The following PRSS2 variants were observed in gnomAD, a reference collection of about 807,000 sequenced individuals.
PRSS2 encodes serine protease 2.
PRSS2 carries 19 observed loss-of-function variants against 19.2 expected under a neutral mutation model. That is an observed-to-expected ratio of 0.99 (90% confidence interval 0.69 to 1.45). The LOEUF (loss-of-function observed/expected upper bound fraction) is 1.45, where lower values mean the gene tolerates loss of function less well. Among genes scored for constraint, PRSS2 ranks in the 40% most tolerant of loss-of-function variants. The probability of loss-of-function intolerance (pLI) is 0.00; values close to 1 mark genes in which losing one functional copy is unlikely to be tolerated. For synonymous variants in PRSS2, 107 were observed against 117.5 expected, an observed-to-expected ratio of 0.91 and a Z score of 0.58; for missense variants, 288 against 294.4, an observed-to-expected ratio of 0.98 and a Z score of 0.16.
At chr7:142,773,214 G>T in intron 2 of PRSS2, 52 bp from the exon 3 acceptor site, 2 of 1,614,112 alleles carry the variant, frequency 1.2e-6, no homozygotes, top group Non-Finnish European at 1.7e-6. Flanking sequence ...AAGGTGGGAG[G>T]GGTGCCCTGG....
At position 142,774,047 on chromosome 7, in the gene PRSS2, T is replaced by G; in HGVS notation, c.583T>G (p.Ser195Ala). 6.3e-7 allele frequency: 1 copy of G among 1,594,566 alleles called. No homozygotes were observed. Among genetic ancestry groups the G allele is most frequent in the Non-Finnish European group, 8.6e-7 (1 of 1,162,328 alleles). ...CVGFLEGGKD[S>A]CQGDSGGPVV... is the part of the protein sequence containing the mutation. ...GGGCTTCCTCGAGGGAGGCAAGGAT[T>G]CCTGCCAGGTGATTTGACCCCTTCC... Residue 195 changes from serine to alanine, a missense_variant, in exon 4 of 5, where the codon TCC becomes GCC. Ser to Ala is a moderately conservative substitution (Grantham distance 99). Transcript: ENST00000539842.
In PRSS2 at chr7:142,771,034, G is replaced by GC. The variant is rs1212509991; in HGVS notation, c.40+15dup. 2.7e-5 allele frequency: 15 copies of GC among 550,504 alleles called. No individual in the cohort carries two copies. The African/African-American group carries it at 3.4e-4, about 12-fold the overall frequency. The allele number at this position is 550,504 out of a possible 1,614,324, so 34.1% of individuals were successfully genotyped here. On this transcript the variant is annotated intron_variant, in intron 1 of 4. Transcript: ENST00000539842. ...TGTTGCAGCTGCTGGTGAGTTTCAC[G>GC]CCCTGCCTCAGGCCTCAACCAACCC...
At chr7:142,773,159 T>G in intron 2 of PRSS2, 107 bp from the exon 3 acceptor site, 1 of 1,602,036 alleles carries the variant, frequency 6.2e-7, no homozygotes, top group Non-Finnish European at 8.5e-7. Flanking sequence ...CCCCACCCCA[T>G]GCCTCCAGAG....
At position 142,773,381 on chromosome 7, in the gene PRSS2, A is replaced by C; in HGVS notation, c.316A>C (p.Asn106His). The C allele has an allele frequency of 1.2e-6, 2 of 1,613,090 alleles. No homozygotes were observed. The highest frequency in any genetic ancestry group is 1.1e-5 in the South Asian group (1 of 91,034). ...HPKYNSRTLD[N>H]DILLIKLSSP... ...CAAATACAACAGCCGGACTCTGGAC[A>C]ATGACATCCTGCTGATCAAGCTCTC... The change falls in exon 3 of 5, where the codon AAT (asparagine) becomes CAT (histidine). Residue 106 changes from asparagine (N) to histidine (H), a missense_variant. Transcript: ENST00000539842.
Position 142,773,954 on chromosome 7 carries a change from C to T in PRSS2, c.490C>T (p.Pro164Ser). Residue 164 changes from proline to serine, a missense_variant, in exon 4 of 5, where the codon CCT becomes TCT. Physicochemically the swap from Pro to Ser is moderately conservative, Grantham distance 74. Coordinates refer to ENST00000539842, the MANE Select transcript of PRSS2 (RefSeq NM_002770.4). ...AGACGAGCTGCAGTGCCTGGATGCT[C>T]CTGTGCTGAGCCAGGCTGAGTGTGA... ...YPDELQCLDA[P>S]VLSQAECEAS... 2 of 1,613,342 alleles carry T rather than the reference C, an allele frequency of 1.2e-6. No homozygotes were observed. The highest frequency in any genetic ancestry group is 1.7e-6 in the Non-Finnish European group (2 of 1,179,250).
chr7:142,771,038 T>C lies in PRSS2; in HGVS notation c.40+16T>C. On this transcript the variant is annotated intron_variant, in intron 1 of 4. Transcript: ENST00000539842. ...GCAGCTGCTGGTGAGTTTCACGCCC[T>C]GCCTCAGGCCTCAACCAACCCTTCC... The C allele has an allele frequency of 1.8e-6, 1 of 540,908 alleles. No individual in the cohort carries two copies. The highest frequency in any genetic ancestry group is 3.3e-6 in the Non-Finnish European group (1 of 299,386). The allele number at this position is 540,908 out of a possible 1,614,324, so 33.5% of individuals were successfully genotyped here.
rs773575609 is a variant in PRSS2 at position 142,774,469 on chromosome 7, T to C, written c.705T>C (p.Tyr235=). 476 of 1,610,512 alleles carry C rather than the reference T, an allele frequency of 3.0e-4. No individual in the cohort carries two copies. Among genetic ancestry groups the C allele is most frequent in the Middle Eastern group, 2.0e-3 (12 of 6,052 alleles). The change falls in exon 5 of 5, where the codon TAT becomes TAC. Residue 235 remains tyrosine (Y), a synonymous_variant. Coordinates refer to ENST00000539842, the MANE Select transcript of PRSS2 (RefSeq NM_002770.4). The part of the protein sequence containing the change: ...RPGVYTKVYN[Y]VDWIKDTIAA... Reference sequence around the variant, plus strand: ...GAGTCTACACCAAGGTCTACAACTATGTGGACTGGATTAAGGACACCATAG... The same window carrying C: ...GAGTCTACACCAAGGTCTACAACTACGTGGACTGGATTAAGGACACCATAG...
In PRSS2 at chr7:142,773,983, C is replaced by T; in HGVS notation, c.519C>T (p.Ala173=). The change falls in exon 4 of 5, where the codon GCC becomes GCT. Residue 173 remains alanine, a synonymous_variant. Coordinates refer to ENST00000539842, the MANE Select transcript of PRSS2 (RefSeq NM_002770.4). ...APVLSQAECE[A]SYPGKITNNM... is the part of the protein sequence containing the mutation. ...TGCTGAGCCAGGCTGAGTGTGAAGC[C>T]TCCTACCCTGGAAAGATTACCAACA... 4 of 1,610,120 alleles carry T rather than the reference C, an allele frequency of 2.5e-6. No individual in the cohort carries two copies. The highest frequency in any genetic ancestry group is 2.6e-6 in the Non-Finnish European group (3 of 1,176,382).
At chr7:142,771,844 C>T (rs994194378) in intron 1 of PRSS2, among the ~76,000 whole-genome samples, 701 of 70,108 alleles carry the variant, frequency 1.0e-2, no homozygotes, top group African/African-American at 0.016. Context: ...TGAACCCCCA[C>T]AGGGTACCTA....
Position 142,774,505 on chromosome 7 carries a change from C to T in PRSS2, c.741C>T (p.Ser247=), listed in dbSNP as rs1554507397. Residue 247 remains serine (S), a synonymous_variant, in exon 5 of 5, where the codon AGC becomes AGT. Transcript: ENST00000539842. ...TTAAGGACACCATAGCTGCCAACAGCTAAAGCCCCTGGTCCCTCTGCAGTC... is the reference window on the plus strand; with the variant it reads ...TTAAGGACACCATAGCTGCCAACAGTTAAAGCCCCTGGTCCCTCTGCAGTC... The part of the protein sequence containing the change: ...DWIKDTIAAN[S] 10 of 1,609,986 alleles carry T rather than the reference C, an allele frequency of 6.2e-6. No homozygotes were observed. In the Admixed American group the frequency reaches 1.3e-4, roughly 21 times the overall value.
chr7:142,772,331 G>C, intron 2 of PRSS2, 123 bp downstream of exon 2: 1 of 1,368,074 alleles, frequency 7.3e-7, no homozygotes, highest in East Asian at 2.3e-5. Context: ...AAGAAAACTT[G>C]TTGGCAGCAG....
Position 142,773,355 on chromosome 7 carries a change from C to T in PRSS2, c.290C>T (p.Pro97Leu). 5 of 1,614,090 alleles carry T rather than the reference C, an allele frequency of 3.1e-6. No homozygotes were observed. The highest frequency in any genetic ancestry group is 1.1e-5 in the South Asian group (1 of 91,078). ...AATGCGGCCAAGATCATCCGCCACC[C>T]CAAATACAACAGCCGGACTCTGGAC... ...FINAAKIIRHPKYNSRTLDND... is the reference protein window; with the variant it reads ...FINAAKIIRHLKYNSRTLDND... The change falls in exon 3 of 5, where the codon CCC becomes CTC. Residue 97 changes from proline to leucine, a missense_variant. Physicochemically the swap from Pro to Leu is moderately conservative, Grantham distance 98 (BLOSUM62 -3). Coordinates refer to ENST00000539842, the MANE Select transcript of PRSS2 (RefSeq NM_002770.4).
At chr7:142,771,543 C>G (rs1437985098) in intron 1 of PRSS2, among the ~76,000 whole-genome samples, 2 of 152,160 alleles carry the variant, frequency 1.3e-5, no homozygotes, top group African/African-American at 2.4e-5. Context: ...TAACGTATAC[C>G]TTTGTTCTGC....
intron 2 of PRSS2, among the ~76,000 whole-genome samples, chr7:142,772,762 C>A (rs914581162): frequency 1.3e-5 from 2 of 152,290 alleles, no homozygotes; most frequent in Non-Finnish European, 1.5e-5. Flanking sequence ...AGGTTCTGAT[C>A]AGTAGGTGGG....
Position 142,774,217 on chromosome 7 carries a change from G to T in PRSS2, c.592-139G>T, listed in dbSNP as rs1800248852. 12 of 1,167,684 alleles carry T rather than the reference G, an allele frequency of 1.0e-5. No homozygotes were observed. In the African/African-American group the frequency reaches 1.2e-4, roughly 12 times the overall value. The allele number at this position is 1,167,684 out of a possible 1,614,324, so 72.3% of individuals were successfully genotyped here. On this transcript the variant is annotated intron_variant, in intron 4 of 4. Transcript: ENST00000539842. Reference sequence around the variant, plus strand: ...GGGCTGCATCCTGTCTGCTTAGGAAGAACAGAGAATGGGCCACCGTGAGAA... The same window carrying T: ...GGGCTGCATCCTGTCTGCTTAGGAATAACAGAGAATGGGCCACCGTGAGAA...
chr7:142,773,786 T>G, intron 3 of PRSS2, 133 bp from the exon 4 acceptor site: 1 of 1,367,330 alleles, frequency 7.3e-7, no homozygotes, highest in Non-Finnish European at 1.0e-6. Context: ...AAAGCCAGAG[T>G]CCCTTGCCAG....
At position 142,771,005 on chromosome 7, in the gene PRSS2, C is replaced by T. The variant is rs62473563; in HGVS notation, c.23C>T (p.Thr8Ile). Residue 8 changes from threonine (T) to isoleucine (I), a missense_variant, in exon 1 of 5, where the codon ACC (threonine) becomes ATC (isoleucine). By Grantham distance (89) the Thr-to-Ile change is moderately conservative. Transcript: ENST00000539842. Reference sequence around the variant, plus strand: ...ACCATGAATCTACTTCTGATCCTTACCTTTGTTGCAGCTGCTGGTGAGTTT... The same window carrying T: ...ACCATGAATCTACTTCTGATCCTTATCTTTGTTGCAGCTGCTGGTGAGTTT... MNLLLIL[T>I]FVAAAVAAPF... 0.058 allele frequency: 35,613 copies of T among 611,148 alleles called. 1,583 individuals are homozygous for T. Among genetic ancestry groups the T allele is most frequent in the Middle Eastern group, 0.11 (402 of 3,824 alleles). The allele number at this position is 611,148 out of a possible 1,614,324, so 37.9% of individuals were successfully genotyped here.
Position 142,773,389 on chromosome 7 carries a change from C to T in PRSS2, c.324C>T (p.Ile108=), listed in dbSNP as rs1800127873. 1 of 1,612,366 alleles carries T rather than the reference C, an allele frequency of 6.2e-7. No homozygotes were observed. Among genetic ancestry groups the T allele is most frequent in the African/African-American group, 1.3e-5 (1 of 74,932 alleles). Residue 108 remains isoleucine (I), a synonymous_variant, in exon 3 of 5, where the codon ATC becomes ATT. Transcript: ENST00000539842. ...ACAGCCGGACTCTGGACAATGACATCCTGCTGATCAAGCTCTCCTCACCTG... is the reference window on the plus strand; with the variant it reads ...ACAGCCGGACTCTGGACAATGACATTCTGCTGATCAAGCTCTCCTCACCTG... ...KYNSRTLDND[I]LLIKLSSPAV... is the part of the protein sequence containing the mutation.
In PRSS2 at chr7:142,773,990, C is replaced by T. The variant is rs1800213097; in HGVS notation, c.526C>T (p.Pro176Ser). The T allele has an allele frequency of 6.2e-7, 1 of 1,609,152 alleles. No homozygotes were observed. The highest frequency in any genetic ancestry group is 8.5e-7 in the Non-Finnish European group (1 of 1,175,500). ...CCAGGCTGAGTGTGAAGCCTCCTAC[C>T]CTGGAAAGATTACCAACAACATGTT... ...LSQAECEASY[P>S]GKITNNMFCV... Residue 176 changes from proline (P) to serine (S), a missense_variant, in exon 4 of 5, where the codon CCT becomes TCT. Transcript: ENST00000539842.
Sources: allele counts gnomAD v4.1 joint callset (sites outside exome capture counted in the v4.1 genomes callset), GRCh38; gene constraint gnomAD v4.1.1; transcripts MANE v1.5; gene names NCBI Gene and HGNC (gene_info 2026-07-23, HGNC 2026-07-21).